Variants in GPM6A observed in about 807,000 individuals in gnomAD.
GPM6A encodes neuronal membrane glycoprotein M6-a.
GPM6A carries 7 observed loss-of-function variants against 32.1 expected under a neutral mutation model. The ratio of observed to expected loss-of-function variants is 0.22; its 90% CI spans 0.12 to 0.41. The LOEUF is 0.41. Among genes scored for constraint, GPM6A ranks in the 10% least tolerant of loss-of-function variants. The pLI, the probability that GPM6A is intolerant of heterozygous loss-of-function variation, is 1.00. For synonymous variants in GPM6A, 130 were observed against 123.4 expected (o/e 1.05, Z -0.35); for missense variants, 235 against 347.2 (o/e 0.68, Z 2.57).
At chr4:175,734,378 T>C (rs1731566225) in intron 1 of GPM6A, among the ~76,000 whole-genome samples, 1 of 152,202 alleles carries the variant, frequency 6.6e-6, no homozygotes, top group Non-Finnish European at 1.5e-5. Flanking sequence ...GTGCAATAAT[T>C]ATTAAGACAT....
intron 1 of GPM6A, among the ~76,000 whole-genome samples, chr4:175,936,204 G>T (rs1739220894): frequency 6.7e-6 from 1 of 149,056 alleles, no homozygotes; most frequent in Non-Finnish European, 1.5e-5. Flanking sequence ...TACTCGGGAG[G>T]CTGAGGCAGG....
chr4:175,777,157 A>G (rs1291255397), intron 1 of GPM6A, among the ~76,000 whole-genome samples: 1 of 152,198 alleles, frequency 6.6e-6, no homozygotes, highest in East Asian at 1.9e-4. Context: ...GCAAACGTAC[A>G]TAGGCTTTGG....
chr4:175,993,599 A>T (rs1741216932), intron 1 of GPM6A, among the ~76,000 whole-genome samples: 1 of 152,166 alleles, frequency 6.6e-6, no homozygotes, highest in Admixed American at 6.5e-5. Context: ...TCCTGCAATG[A>T]CCAATATTAA....
At position 175,801,863 on chromosome 4, in the gene GPM6A, A is replaced by G. The variant is rs181392834; in HGVS notation, c.37+10328T>C. ...ACAAAGTTTCCTTCCAATTTAGCAG[A>G]AACAATGGGCAAAAATATTTTTGAT... On this transcript the variant is annotated intron_variant, in intron 1 of 6. Transcript: ENST00000393658. Among the ~76,000 whole-genome samples the G allele has an allele frequency of 3.3e-5, 5 of 152,250 alleles. No homozygotes were observed. In the Middle Eastern group the frequency reaches 0.01, roughly 311 times the overall value.
At position 175,970,991 on chromosome 4, in the gene GPM6A, G is replaced by C. The variant is rs1740485192; in HGVS notation, c.-23+31318C>G. On this transcript the variant is annotated intron_variant, in intron 1 of 7. Transcript: ENST00000280187. Reference sequence around the variant, plus strand: ...TTGAGCAGCGCAGAGCGCTCCTGGGGAATTCAGTGAAAGTTGCAAATACAA... The same window carrying C: ...TTGAGCAGCGCAGAGCGCTCCTGGGCAATTCAGTGAAAGTTGCAAATACAA... 3 of 421,000 alleles carry C rather than the reference G, an allele frequency of 7.1e-6. No homozygotes were observed. The Admixed American group carries it at 8.8e-5, about 12-fold the overall frequency. 26.1% of individuals were successfully genotyped at this position (421,000 alleles called of 1,614,324 possible).
At chr4:175,654,629 C>T (rs1241677384) in intron 3 of GPM6A, among the ~76,000 whole-genome samples, 1 of 151,114 alleles carries the variant, frequency 6.6e-6, no homozygotes. Context: ...GTTCTTGAGT[C>T]AGGGAAAGTT....
At chr4:175,969,741 T>A (rs1740442862) in intron 1 of GPM6A, among the ~76,000 whole-genome samples, 2 of 151,916 alleles carry the variant, frequency 1.3e-5, no homozygotes, top group African/African-American at 4.8e-5. Flanking sequence ...CAACAATATA[T>A]CAACATTGAC....
intron 1 of GPM6A, among the ~76,000 whole-genome samples, chr4:175,856,872 G>A (rs1451846665): frequency 1.3e-5 from 2 of 152,096 alleles, no homozygotes; most frequent in African/African-American, 2.4e-5. Flanking sequence ...GGGCATGGGA[G>A]GTCAGAGTGG....
At chr4:175,644,113 T>C (rs1741310752) in intron 4 of GPM6A, among the ~76,000 whole-genome samples, 1 of 148,154 alleles carries the variant, frequency 6.7e-6, no homozygotes, top group Admixed American at 7.0e-5. Flanking sequence ...TCTAAAACTT[T>C]TCCGTTTGTT....
chr4:175,895,154 T>C (rs779254082), intron 1 of GPM6A, among the ~76,000 whole-genome samples: 1 of 152,156 alleles, frequency 6.6e-6, no homozygotes, highest in African/African-American at 2.4e-5. Flanking sequence ...AATGAAATCA[T>C]CTTGTGATTC....
intron 1 of GPM6A, among the ~76,000 whole-genome samples, chr4:175,865,320 C>G (rs959491957): frequency 9.2e-5 from 14 of 152,152 alleles, no homozygotes; most frequent in Non-Finnish European, 1.6e-4. Flanking sequence ...ATGGCAATAC[C>G]AAGTGCCTTG....
In GPM6A at chr4:175,962,143, AG is replaced by A. The variant is rs1740186885; in HGVS notation, c.-23+40165del. On this transcript the variant is annotated intron_variant, in intron 1 of 7. Coordinates refer to the GPM6A transcript ENST00000280187. ...CATCCGGACCCAGTGACAATGTTAC[AG>A]GACATCAAGCATCAACCCAAGGTGA... 3.7e-6 allele frequency: 3 copies of A among 813,620 alleles called. No homozygotes were observed. In the African/African-American group the frequency reaches 5.0e-5, roughly 14 times the overall value. The allele number at this position is 813,620 out of a possible 1,614,324, so 50.4% of individuals were successfully genotyped here.
intron 1 of GPM6A, among the ~76,000 whole-genome samples, chr4:175,925,659 A>G (rs1738813153): frequency 6.6e-6 from 1 of 152,128 alleles, no homozygotes; most frequent in African/African-American, 2.4e-5. Flanking sequence ...TTGGAATAAA[A>G]TCAATGTTCT....
At chr4:175,919,360 A>G (rs1738596009) in intron 1 of GPM6A, among the ~76,000 whole-genome samples, 1 of 152,178 alleles carries the variant, frequency 6.6e-6, no homozygotes, top group African/African-American at 2.4e-5. Flanking sequence ...TCACCTTTTT[A>G]ATCCAGCAAG....
chr4:175,762,966 A>T (rs1732809810), intron 1 of GPM6A, among the ~76,000 whole-genome samples: 1 of 152,170 alleles, frequency 6.6e-6, no homozygotes, highest in Non-Finnish European at 1.5e-5. Context: ...TCTCTGGAGT[A>T]ATAAAAATGT....
At chr4:175,874,303 A>G (rs950851070) in intron 1 of GPM6A, among the ~76,000 whole-genome samples, 2 of 152,328 alleles carry the variant, frequency 1.3e-5, no homozygotes, top group African/African-American at 4.8e-5. Flanking sequence ...AATACAGAAA[A>G]CAAGAAGTCA....
At chr4:175,951,907 G>A (rs1739826718) in intron 1 of GPM6A, among the ~76,000 whole-genome samples, 1 of 152,086 alleles carries the variant, frequency 6.6e-6, no homozygotes, top group Admixed American at 6.6e-5. Context: ...TGAACAAGAG[G>A]GAATTCTCCA....
intron 1 of GPM6A, among the ~76,000 whole-genome samples, chr4:175,884,481 T>G (rs1436152352): frequency 2.0e-5 from 3 of 152,136 alleles, no homozygotes; most frequent in African/African-American, 4.8e-5. Context: ...TTCCAATAAA[T>G]CCAACATTTG....
At chr4:175,751,977 G>A (rs1054718414) in intron 1 of GPM6A, among the ~76,000 whole-genome samples, 3 of 152,104 alleles carry the variant, frequency 2.0e-5, no homozygotes, top group African/African-American at 7.2e-5. Flanking sequence ...AAACAAAACA[G>A]GAGTCAATTG....
Sources: gnomAD v4.1 joint callset for allele counts (sites outside exome capture counted in the v4.1 genomes callset) on GRCh38, gnomAD v4.1.1 for gene constraint, MANE v1.5 for transcripts, NCBI Gene and HGNC (gene_info 2026-07-23, HGNC 2026-07-21) for gene names.